RAB17: variants seen among roughly 807,000 people sequenced by gnomAD.
RAB17 encodes the protein RAB17, member RAS oncogene family, also known as ras-related protein Rab-17.
In RAB17, 15 loss-of-function variants were observed where a neutral mutation model predicts 19.3. The observed-to-expected ratio is 0.78, with a 90% CI of 0.52 to 1.20. The LOEUF (loss-of-function observed/expected upper bound fraction) is 1.20, where lower values mean the gene tolerates loss of function less well. Ranked by LOEUF, RAB17 falls within the 50% of genes most tolerant of loss-of-function variation. The probability of loss-of-function intolerance (pLI) is 0.00; values close to 1 mark genes in which losing one functional copy is unlikely to be tolerated. For synonymous variants in RAB17, 110 were observed against 112.8 expected (o/e 0.97, Z 0.16); for missense variants, 262 against 269.3 (o/e 0.97, Z 0.19).
At position 237,586,408 on chromosome 2, in the gene RAB17, C is replaced by T. The variant is rs574764090; in HGVS notation, c.-3-251G>A. On this transcript the variant is annotated intron_variant, in intron 1 of 5. Transcript: ENST00000264601. ...GGAGCTTTGCTTGGAAAGCTCCGGG[C>T]ACGGGTCATTGCAGACCCTGAAAAG... 3.3e-5 allele frequency among the ~76,000 whole-genome samples: 5 copies of T among 152,276 alleles called. No homozygotes were observed. In the South Asian group the frequency reaches 1.0e-3, roughly 32 times the overall value.
intron 2 of RAB17, chr2:237,579,590 A>G (rs1169170752): frequency 2.0e-5 from 3 of 152,240 alleles, no homozygotes; most frequent in African/African-American, 7.2e-5. Flanking sequence ...CTTAAGGGCT[A>G]TCCTAAGTTC....
At chr2:237,576,701 T>C (rs1435224920) in intron 4 of RAB17, 1 of 470,998 alleles carries the variant, frequency 2.1e-6, no homozygotes, top group Non-Finnish European at 4.4e-6. Flanking sequence ...CTAAATGTGG[T>C]GGGGGAGGTG....
In RAB17 at chr2:237,574,377, T is replaced by G. The variant is rs1331659973; in HGVS notation, c.*642A>C. Reference sequence around the variant, plus strand: ...GGAAAAACTGCATACGCAGTACAACTTATATCTCAGGCGAAATGTCTCAGA... The same window carrying G: ...GGAAAAACTGCATACGCAGTACAACGTATATCTCAGGCGAAATGTCTCAGA... On this transcript the variant is annotated 3_prime_UTR_variant, in exon 6 of 6. Transcript: ENST00000264601. 6.6e-7 allele frequency: 1 copy of G among 1,518,144 alleles called. No individual in the cohort carries two copies. The highest frequency in any genetic ancestry group is 1.4e-5 in the African/African-American group (1 of 71,862). The allele number at this position is 1,518,144 out of a possible 1,614,324, so 94.0% of individuals were successfully genotyped here. A position where few individuals can be genotyped will look rare whatever the true frequency, so the allele number is the denominator to read the frequency against.
chr2:237,578,201 C>A, intron 2 of RAB17, 46 bp from the exon 3 acceptor site: 1 of 1,565,582 alleles, frequency 6.4e-7, no homozygotes, highest in Admixed American at 1.7e-5. Flanking sequence ...ACGAGGTTGC[C>A]ACATGCGGCT....
At chr2:237,579,744 G>GCTGGACAGAGAACAGGAGT (rs2081294444) in intron 2 of RAB17, among the ~76,000 whole-genome samples, 1 of 152,070 alleles carries the variant, frequency 6.6e-6, no homozygotes. Context: ...AGAACAGGAG[G>GCTGGACAGAGAACAGGAGT]CTGGACAGAG....
chr2:237,586,732 G>A (rs1253561853), intron 1 of RAB17, among the ~76,000 whole-genome samples: 3 of 152,026 alleles, frequency 2.0e-5, no homozygotes, highest in Non-Finnish European at 2.9e-5. Context: ...AATAAACGTG[G>A]GCGACCCCTG....
intron 2 of RAB17, among the ~76,000 whole-genome samples, chr2:237,581,511 T>C (rs2081308722): frequency 6.6e-6 from 1 of 152,166 alleles, no homozygotes; most frequent in South Asian, 2.1e-4. Flanking sequence ...CGCCTCGGCC[T>C]CCCAAATTGC....
At chr2:237,584,376 G>C (rs898429298) in intron 2 of RAB17, among the ~76,000 whole-genome samples, 5 of 152,128 alleles carry the variant, frequency 3.3e-5, no homozygotes, top group Non-Finnish European at 7.4e-5. Context: ...GGCTCTGCTA[G>C]GGTGGCGTCA....
chr2:237,575,221 C>T (rs2081252220), intron 5 of RAB17, 93 bp from the exon 6 acceptor site: 4 of 1,144,690 alleles, frequency 3.5e-6, no homozygotes, highest in Non-Finnish European at 5.0e-6. Flanking sequence ...CCCGCCCCTC[C>T]TGTGTTTACC....
chr2:237,585,370 CTG>C (rs912193912), intron 2 of RAB17: 1 of 169,118 alleles, frequency 5.9e-6, no homozygotes, highest in African/African-American at 2.4e-5. Flanking sequence ...CCTAGGCAGA[CTG>C]TGCCCACAGC....
intron 2 of RAB17, among the ~76,000 whole-genome samples, chr2:237,581,001 C>T (rs537981622): frequency 1.3e-5 from 2 of 152,290 alleles, no homozygotes; most frequent in South Asian, 2.1e-4. Context: ...GGCTCTGACC[C>T]GGAAGACAGC....
At chr2:237,585,977 G>A in intron 2 of RAB17, 21 bp downstream of exon 2, 1 of 1,576,108 alleles carries the variant, frequency 6.3e-7, no homozygotes, top group Non-Finnish European at 8.6e-7. Context: ...ACCAACAAAG[G>A]GGTGCTCTGC....
intron 2 of RAB17, among the ~76,000 whole-genome samples, chr2:237,584,230 C>T (rs1435863659): frequency 6.6e-6 from 1 of 152,068 alleles, no homozygotes. Flanking sequence ...GTGGGTACAG[C>T]TCTCTGTGGG....
At chr2:237,590,446 G>C (rs2081386991) in intron 1 of RAB17, 21 bp downstream of exon 1, 1 of 152,460 alleles carries the variant, frequency 6.6e-6, no homozygotes, top group African/African-American at 2.4e-5. Context: ...AAAGGGCACA[G>C]AGGTTTAAAC....
chr2:237,578,783 G>C (rs2081286262), intron 2 of RAB17: 1 of 152,432 alleles, frequency 6.6e-6, no homozygotes, highest in Non-Finnish European at 1.5e-5. Flanking sequence ...TGGGCCCCCT[G>C]CCTCCACGGA....
intron 1 of RAB17, 108 bp downstream of exon 1, chr2:237,590,359 G>C (rs757661941): frequency 6.6e-6 from 1 of 152,134 alleles, no homozygotes; most frequent in South Asian, 2.1e-4. Flanking sequence ...GTACAAACAC[G>C]TGAGCACACA....
chr2:237,582,963 A>G lies in RAB17; in HGVS notation c.157+3035T>C, dbSNP rs1022570338. 3.9e-5 allele frequency among the ~76,000 whole-genome samples: 6 copies of G among 152,274 alleles called. No individual in the cohort carries two copies. In the East Asian group the frequency reaches 1.2e-3, roughly 29 times the overall value. On this transcript the variant is annotated intron_variant, in intron 2 of 5. Coordinates refer to ENST00000264601, the MANE Select transcript of RAB17 (RefSeq NM_022449.4). The stretch of plus-strand genomic sequence containing the variant: ...CTCTACTAAAAATACAAAAATCAGC[A>G]TGGTGGTATGCACCTGTAATCCCAG...
At chr2:237,583,907 A>T (rs1157600330) in intron 2 of RAB17, among the ~76,000 whole-genome samples, 1 of 152,000 alleles carries the variant, frequency 6.6e-6, no homozygotes, top group East Asian at 1.9e-4. Context: ...GAGTAGAGTG[A>T]GACATACAGG....
In RAB17 at chr2:237,574,487, A is replaced by C; in HGVS notation, c.*532T>G. On this transcript the variant is annotated 3_prime_UTR_variant, in exon 6 of 6. Coordinates refer to ENST00000264601, the MANE Select transcript of RAB17 (RefSeq NM_022449.4). ...GAAGGGAACTGGCGCCACTGCCCCC[A>C]GCTGCCCTTCCCAGGGGCAACTTCA... 6.4e-7 allele frequency: 1 copy of C among 1,550,674 alleles called. No homozygotes were observed. The highest frequency in any genetic ancestry group is 1.2e-5 in the South Asian group (1 of 84,026).
Sources: gnomAD v4.1 joint callset for allele counts (sites outside exome capture counted in the v4.1 genomes callset) on GRCh38, gnomAD v4.1.1 for gene constraint, MANE v1.5 for transcripts, NCBI Gene and HGNC (gene_info 2026-07-23, HGNC 2026-07-21) for gene names.